PAIP2B: variants seen among roughly 807,000 people sequenced by gnomAD.
The protein encoded by PAIP2B is poly(A) binding protein interacting protein 2B.
PAIP2B carries 13 observed loss-of-function variants against 17.0 expected under a neutral mutation model. The observed-to-expected ratio is 0.76, with a 90% CI of 0.50 to 1.22. The LOEUF (loss-of-function observed/expected upper bound fraction) is 1.22, where lower values mean the gene tolerates loss of function less well. PAIP2B is among the 50% of genes most tolerant of loss of function. The pLI is 0.00. For synonymous variants in PAIP2B, 43 were observed against 48.7 expected (o/e 0.88, Z 0.48); for missense variants, 117 against 144.5 (o/e 0.81, Z 0.98).
At chr2:71,226,363 A>G (rs1675725814) in intron 1 of PAIP2B, among the ~76,000 whole-genome samples, 2 of 152,188 alleles carry the variant, frequency 1.3e-5, no homozygotes, top group Admixed American at 6.5e-5. Context: ...ACCGCAAGGC[A>G]CAAGAGAAGT....
intron 1 of PAIP2B, among the ~76,000 whole-genome samples, chr2:71,204,692 C>T (rs1675078587): frequency 6.6e-6 from 1 of 152,064 alleles, no homozygotes; most frequent in African/African-American, 2.4e-5. Context: ...ATAATAATTT[C>T]ATAAGCTATA....
chr2:71,193,624 C>T (rs975891996), intron 2 of PAIP2B, among the ~76,000 whole-genome samples: 1 of 152,106 alleles, frequency 6.6e-6, no homozygotes, highest in African/African-American at 2.4e-5. Context: ...GAGGCTGAGG[C>T]AGGCAGATCA....
chr2:71,217,788 C>A (rs1031326499), intron 1 of PAIP2B, among the ~76,000 whole-genome samples: 5 of 152,066 alleles, frequency 3.3e-5, no homozygotes, highest in African/African-American at 1.2e-4. Flanking sequence ...AAGCTCTCGG[C>A]TGGGAGCAGA....
intron 1 of PAIP2B, among the ~76,000 whole-genome samples, chr2:71,218,052 C>A (rs1675476896): frequency 1.3e-5 from 2 of 151,950 alleles, no homozygotes; most frequent in South Asian, 2.1e-4. Flanking sequence ...GGGTGACAGA[C>A]CAAGACCTAG....
intron 1 of PAIP2B, among the ~76,000 whole-genome samples, chr2:71,213,719 TA>T (rs2103811982): frequency 6.6e-6 from 1 of 152,262 alleles, no homozygotes; most frequent in African/African-American, 2.4e-5. Context: ...CGGTGAGACT[TA>T]AGTATGAATT....
intron 1 of PAIP2B, among the ~76,000 whole-genome samples, chr2:71,224,642 A>C (rs990546274): frequency 2.0e-5 from 3 of 152,106 alleles, no homozygotes; most frequent in African/African-American, 7.2e-5. Flanking sequence ...GCACTTCAGG[A>C]AGTCTAGAGC....
intron 1 of PAIP2B, among the ~76,000 whole-genome samples, chr2:71,208,365 G>A (rs974245313): frequency 1.3e-5 from 2 of 152,074 alleles, no homozygotes; most frequent in Non-Finnish European, 2.9e-5. Flanking sequence ...GGAGGTTGTA[G>A]TGAGCTGAGA....
intron 1 of PAIP2B, among the ~76,000 whole-genome samples, chr2:71,203,400 T>C (rs1292643294): frequency 6.6e-6 from 1 of 152,112 alleles, no homozygotes; most frequent in East Asian, 1.9e-4. Context: ...AGCTGTTACA[T>C]TGGAGAGTAT....
chr2:71,222,084 C>G (rs1013325690), intron 1 of PAIP2B, among the ~76,000 whole-genome samples: 2 of 152,150 alleles, frequency 1.3e-5, no homozygotes, highest in Non-Finnish European at 2.9e-5. Context: ...ACCTTGCTAC[C>G]GCTCACTCTT....
chr2:71,224,570 G>A (rs1430439231), intron 1 of PAIP2B, among the ~76,000 whole-genome samples: 4 of 152,158 alleles, frequency 2.6e-5, no homozygotes, highest in Admixed American at 2.6e-4. Context: ...TGCAAGGAGA[G>A]AGAATGGTGC....
At chr2:71,209,828 C>A (rs1479328190) in intron 1 of PAIP2B, among the ~76,000 whole-genome samples, 1 of 147,512 alleles carries the variant, frequency 6.8e-6, no homozygotes, top group Non-Finnish European at 1.5e-5. Flanking sequence ...TCACATAGAA[C>A]TTTTTTTTTT....
In PAIP2B at chr2:71,186,491, G is replaced by C. The variant is rs1674543490; in HGVS notation, c.*1988C>G. ...AACAGACCAGCACAGCAGAAGGAAAGACAAGCTCCTTTCTCTCTGCAATCC... is the reference window on the plus strand; with the variant it reads ...AACAGACCAGCACAGCAGAAGGAAACACAAGCTCCTTTCTCTCTGCAATCC... On this transcript the variant is annotated 3_prime_UTR_variant, in exon 4 of 4. Coordinates refer to ENST00000244221, the MANE Select transcript of PAIP2B (RefSeq NM_020459.1). 6.6e-6 allele frequency: 1 copy of C among 152,192 alleles called. No individual in the cohort carries two copies. The allele number at this position is 152,192 out of a possible 1,614,324, so 9.4% of individuals were successfully genotyped here. A position where few individuals can be genotyped will look rare whatever the true frequency, so the allele number is the denominator to read the frequency against.
rs1231652156 is a variant in PAIP2B, at chr2:71,184,445, A to G, written c.*4034T>C. 6.6e-6 allele frequency: 1 copy of G among 152,238 alleles called. No homozygotes were observed. The highest frequency in any genetic ancestry group is 2.4e-5 in the African/African-American group (1 of 41,464). 9.4% of individuals were successfully genotyped at this position (152,238 alleles called of 1,614,324 possible). A position where few individuals can be genotyped will look rare whatever the true frequency, so the allele number is the denominator to read the frequency against. On this transcript the variant is annotated 3_prime_UTR_variant, in exon 4 of 4. Transcript: ENST00000244221. ...GGTTGGCCAGTGAGGGCAGGTGACT[A>G]AGTGGTGTGCAGGAAACTCGCATGT... is the stretch of plus-strand genomic sequence containing the variant.
At position 71,185,703 on chromosome 2, in the gene PAIP2B, A is replaced by G. The variant is rs1480554646; in HGVS notation, c.*2776T>C. The G allele has an allele frequency of 1.3e-5, 2 of 152,060 alleles. No homozygotes were observed. Among genetic ancestry groups the G allele is most frequent in the African/African-American group, 4.8e-5 (2 of 41,376 alleles). The allele number at this position is 152,060 out of a possible 1,614,324, so 9.4% of individuals were successfully genotyped here. On this transcript the variant is annotated 3_prime_UTR_variant, in exon 4 of 4. Coordinates refer to ENST00000244221, the MANE Select transcript of PAIP2B (RefSeq NM_020459.1). ...CTTATGTGATTCCCAAAACTCAACT[A>G]TTATTGTCAGAAACTGGCCCAAAGA...
At chr2:71,207,487 G>A (rs1010207611) in intron 1 of PAIP2B, among the ~76,000 whole-genome samples, 1 of 152,036 alleles carries the variant, frequency 6.6e-6, no homozygotes, top group Non-Finnish European at 1.5e-5. Context: ...AATAATAGAA[G>A]CCATTATAAG....
intron 2 of PAIP2B, among the ~76,000 whole-genome samples, chr2:71,190,291 G>A (rs1403399261): frequency 6.6e-6 from 1 of 152,102 alleles, no homozygotes; most frequent in Non-Finnish European, 1.5e-5. Context: ...GGCCATAGTG[G>A]TGTGTGCCTG....
At chr2:71,204,028 G>A (rs1190458790) in intron 1 of PAIP2B, among the ~76,000 whole-genome samples, 4 of 151,932 alleles carry the variant, frequency 2.6e-5, no homozygotes, top group Admixed American at 2.6e-4. Context: ...TTTATTCACT[G>A]CTTCCCTTCT....
intron 1 of PAIP2B, among the ~76,000 whole-genome samples, chr2:71,219,119 AC>A (rs1475423895): frequency 1.4e-5 from 2 of 138,178 alleles, no homozygotes; most frequent in Non-Finnish European, 3.1e-5. Flanking sequence ...TTTAGTAGAG[AC>A]GGGGTTTCAC....
chr2:71,187,868 A>G lies in PAIP2B; in HGVS notation c.*611T>C, dbSNP rs563954887. The G allele has an allele frequency of 2.6e-5, 4 of 153,326 alleles. No homozygotes were observed. Among genetic ancestry groups the G allele is most frequent in the African/African-American group, 9.6e-5 (4 of 41,578 alleles). 9.5% of individuals were successfully genotyped at this position (153,326 alleles called of 1,614,324 possible). A position where few individuals can be genotyped will look rare whatever the true frequency, so the allele number is the denominator to read the frequency against. On this transcript the variant is annotated 3_prime_UTR_variant, in exon 4 of 4. Transcript: ENST00000244221. ...TGATTTACAACTTTCAACAATCATC[A>G]AAAGTTACTGTAAACTAAGTACTTT...
Sources: gnomAD v4.1 joint callset for allele counts (sites outside exome capture counted in the v4.1 genomes callset) on GRCh38, gnomAD v4.1.1 for gene constraint, MANE v1.5 for transcripts, NCBI Gene and HGNC (gene_info 2026-07-23, HGNC 2026-07-21) for gene names.